Variants in SAMMSON observed in about 807,000 individuals in gnomAD.
SAMMSON encodes long intergenic non-protein coding RNA 1212.
intron 4 of SAMMSON, among the ~76,000 whole-genome samples, chr3:70,077,990 C>T (rs900230246): frequency 1.3e-5 from 2 of 152,156 alleles, no homozygotes; most frequent in African/African-American, 2.4e-5. Context: ...TCCTTGACCC[C>T]GTTTATCCCT....
chr3:70,267,176 G>T (rs1326621165), intron 6 of SAMMSON, among the ~76,000 whole-genome samples: 1 of 152,040 alleles, frequency 6.6e-6, no homozygotes, highest in Non-Finnish European at 1.5e-5. Context: ...ATTATGTAGG[G>T]ATTTTATACT....
intron 3 of SAMMSON, among the ~76,000 whole-genome samples, chr3:70,053,843 A>T (rs1397397633): frequency 6.6e-6 from 1 of 152,134 alleles, no homozygotes; most frequent in African/African-American, 2.4e-5. Flanking sequence ...TTAATTTCTC[A>T]GTCTATGTAT....
intron 7 of SAMMSON, among the ~76,000 whole-genome samples, chr3:70,319,999 A>T (rs1188715786): frequency 6.6e-6 from 1 of 152,048 alleles, no homozygotes; most frequent in Non-Finnish European, 1.5e-5. Flanking sequence ...TTCTGCATCC[A>T]ACATGGTGTC....
intron 7 of SAMMSON, among the ~76,000 whole-genome samples, chr3:70,318,075 G>C (rs994150963): frequency 2.0e-5 from 3 of 151,532 alleles, no homozygotes; most frequent in Non-Finnish European, 2.9e-5. Context: ...AATTTGACTA[G>C]GATGTACTTA....
At chr3:70,342,103 A>G (rs1014704548) in intron 7 of SAMMSON, among the ~76,000 whole-genome samples, 1 of 152,208 alleles carries the variant, frequency 6.6e-6, no homozygotes, top group Admixed American at 6.5e-5. Context: ...TAGTCTGAAT[A>G]TAGCTTTTAA....
chr3:70,215,294 T>C (rs1037906553), intron 4 of SAMMSON, among the ~76,000 whole-genome samples: 2 of 152,160 alleles, frequency 1.3e-5, no homozygotes, highest in South Asian at 2.1e-4. Flanking sequence ...TGAACTTACG[T>C]CTTCTAATTC....
chr3:70,422,937 A>T (rs1202596726), intron 2 of SAMMSON, among the ~76,000 whole-genome samples: 1 of 151,988 alleles, frequency 6.6e-6, no homozygotes, highest in East Asian at 1.9e-4. Context: ...CCATATTATA[A>T]TAAAAATTTT....
intron 7 of SAMMSON, among the ~76,000 whole-genome samples, chr3:70,304,486 G>A (rs17007039): frequency 0.043 from 6,488 of 152,062 alleles, 202 homozygotes; most frequent in South Asian, 0.078. Flanking sequence ...CCCTTTTCTA[G>A]CCAATTTCTC....
chr3:70,099,550 G>T (rs937474204), intron 4 of SAMMSON, among the ~76,000 whole-genome samples: 5 of 152,074 alleles, frequency 3.3e-5, no homozygotes, highest in Non-Finnish European at 7.4e-5. Flanking sequence ...CAACTGGATG[G>T]TCTTTTTATT....
chr3:70,313,649 T>G (rs773633987), intron 7 of SAMMSON, among the ~76,000 whole-genome samples: 1 of 152,274 alleles, frequency 6.6e-6, no homozygotes, highest in East Asian at 1.9e-4. Context: ...TCAAGGTGGC[T>G]TGCCTCCTCC....
Position 70,328,065 on chromosome 3 carries a change from A to G in SAMMSON, n.740-26110A>G, listed in dbSNP as rs539498621. On this transcript the variant is annotated intron_variant and non_coding_transcript_variant, in intron 7 of 9. Coordinates refer to ENST00000642114, the Ensembl canonical transcript of SAMMSON. ...CACATCCCACATGGTGGCAGACAAG[A>G]GAAGAGAGCTTGTGCAGGGAAACTC... 3.2e-4 allele frequency among the ~76,000 whole-genome samples: 48 copies of G among 152,284 alleles called. No individual in the cohort carries two copies. The South Asian group carries it at 9.5e-3, about 30-fold the overall frequency.
At chr3:70,067,566 A>G (rs1167505504) in intron 3 of SAMMSON, among the ~76,000 whole-genome samples, 1 of 152,114 alleles carries the variant, frequency 6.6e-6, no homozygotes, top group Non-Finnish European at 1.5e-5. Flanking sequence ...CTTTTAGGGA[A>G]ACACATTTCC....
At chr3:70,025,997 C>T (rs1559775726) in intron 3 of SAMMSON, among the ~76,000 whole-genome samples, 1 of 151,906 alleles carries the variant, frequency 6.6e-6, no homozygotes, top group Non-Finnish European at 1.5e-5. Context: ...TATAATTGGA[C>T]CCATGCATTT....
intron 9 of SAMMSON, among the ~76,000 whole-genome samples, chr3:70,362,736 A>C (rs1431023286): frequency 6.6e-6 from 1 of 151,952 alleles, no homozygotes; most frequent in East Asian, 1.9e-4. Flanking sequence ...TATTCTGTAT[A>C]AATAACTGTT....
At chr3:70,297,220 C>G (rs948991937) in intron 7 of SAMMSON, among the ~76,000 whole-genome samples, 4 of 151,972 alleles carry the variant, frequency 2.6e-5, no homozygotes, top group African/African-American at 2.4e-5. Flanking sequence ...TTGCCTAGCT[C>G]TTGGTAATTA....
chr3:70,102,100 C>T (rs956029688), intron 4 of SAMMSON, among the ~76,000 whole-genome samples: 5 of 152,154 alleles, frequency 3.3e-5, no homozygotes, highest in African/African-American at 4.8e-5. Flanking sequence ...GAGCATTCAA[C>T]GGAGGAAACA....
intron 3 of SAMMSON, chr3:70,069,138 C>T (rs2067220807): frequency 6.6e-6 from 1 of 151,958 alleles, no homozygotes; most frequent in African/African-American, 2.4e-5. Flanking sequence ...GTTAGTTTCA[C>T]AAATTCAATA....
chr3:70,093,552 T>A (rs559738204), intron 4 of SAMMSON, among the ~76,000 whole-genome samples: 1 of 152,336 alleles, frequency 6.6e-6, no homozygotes, highest in Non-Finnish European at 1.5e-5. Context: ...GTCTTTAAGA[T>A]AATTTCTTAT....
At chr3:70,137,221 A>G (rs1273661810) in intron 4 of SAMMSON, among the ~76,000 whole-genome samples, 1 of 152,232 alleles carries the variant, frequency 6.6e-6, no homozygotes, top group African/African-American at 2.4e-5. Context: ...TGCTCTACAT[A>G]CTACTTTGCA....
Sources: allele counts gnomAD v4.1 joint callset (sites outside exome capture counted in the v4.1 genomes callset), GRCh38; gene constraint gnomAD v4.1.1; transcripts MANE v1.5; gene names NCBI Gene and HGNC (gene_info 2026-07-23, HGNC 2026-07-21).